Variants in ARMC2 observed in about 807,000 individuals in gnomAD.
The protein encoded by ARMC2 is armadillo repeat containing 2.
ARMC2 carries 67 observed loss-of-function variants against 90.3 expected under a neutral mutation model. The observed-to-expected ratio is 0.74, with a 90% CI of 0.61 to 0.91. The LOEUF (loss-of-function observed/expected upper bound fraction) is 0.91, where lower values mean the gene tolerates loss of function less well. Ranked by LOEUF, ARMC2 falls within the 40% of genes least tolerant of loss-of-function variation. The pLI, the probability that ARMC2 is intolerant of heterozygous loss-of-function variation, is 0.00. For missense variants in ARMC2, 920 were observed against 1,030.9 expected (o/e 0.89, Z 1.47); for synonymous variants, 393 against 393.0 (o/e 1.00, Z 0.00).
intron 3 of ARMC2, among the ~76,000 whole-genome samples, chr6:108,859,490 G>C (rs751353448): frequency 6.6e-5 from 10 of 152,092 alleles, no homozygotes; most frequent in Non-Finnish European, 1.2e-4. Flanking sequence ...CTGGAAGTTT[G>C]TAGGATGTTT....
In ARMC2 at chr6:108,868,893, G is replaced by C. The variant is rs1776102059; in HGVS notation, c.361G>C (p.Asp121His). 1 of 1,613,842 alleles carries C rather than the reference G, an allele frequency of 6.2e-7. No individual in the cohort carries two copies. Among genetic ancestry groups the C allele is most frequent in the African/African-American group, 1.3e-5 (1 of 74,910 alleles). The stretch of plus-strand genomic sequence containing the variant: ...CTTTTCCTTTCCTAAGCCCCCAGTG[G>C]ACCCTGCGAAGATTAGAAGAGTAAG... ...SCFSFPKPPV[D>H]PAKIRRVSNA... The change falls in exon 4 of 18, where the codon GAC becomes CAC. Residue 121 changes from aspartate (D) to histidine (H), a missense_variant. Physicochemically the swap from Asp to His is moderately conservative, Grantham distance 81. Transcript: ENST00000392644.
chr6:109,021,875 C>T, the ARMC2 span, among the ~76,000 whole-genome samples: 1 of 152,230 alleles, frequency 6.6e-6, no homozygotes, highest in East Asian at 1.9e-4. Flanking sequence ...CTTTTAAACC[C>T]TAATAATTCA....
At chr6:108,939,468 A>G (rs1776263597) in intron 12 of ARMC2, among the ~76,000 whole-genome samples, 1 of 150,756 alleles carries the variant, frequency 6.6e-6, no homozygotes, top group African/African-American at 2.4e-5. Flanking sequence ...AGTGTGTAGC[A>G]CCTCCCCCTG....
At position 108,868,946 on chromosome 6, in the gene ARMC2, T is replaced by C. The variant is rs1431139468; in HGVS notation, c.414T>C (p.Ala138=). 1.2e-6 allele frequency: 2 copies of C among 1,613,936 alleles called. No individual in the cohort carries two copies. Among genetic ancestry groups the C allele is most frequent in the East Asian group, 2.2e-5 (1 of 44,876 alleles). Residue 138 remains alanine (A), a synonymous_variant, in exon 4 of 18, where the codon GCT becomes GCC. Transcript: ENST00000392644. The part of the protein sequence containing the change: ...VSNARARLFR[A]ASQRALLPDR... Reference sequence around the variant, plus strand: ...ACGCCAGGGCTCGCTTATTCAGGGCTGCCTCCCAGCGGGCCCTTCTGCCGG... The same window carrying C: ...ACGCCAGGGCTCGCTTATTCAGGGCCGCCTCCCAGCGGGCCCTTCTGCCGG...
intron 5 of ARMC2, among the ~76,000 whole-genome samples, chr6:108,887,538 C>T (rs901692930): frequency 2.6e-5 from 4 of 152,168 alleles, no homozygotes; most frequent in South Asian, 2.1e-4. Flanking sequence ...CTGAGAGAAT[C>T]GCAGAAAGAT....
Position 108,928,243 on chromosome 6 carries a change from C to G in ARMC2, c.1496+10C>G. Reference sequence around the variant, plus strand: ...TTGCCAGAATATTCAGGTAGGTAGACTAAGACGTGAAGTAGCCTTACAAAA... The same window carrying G: ...TTGCCAGAATATTCAGGTAGGTAGAGTAAGACGTGAAGTAGCCTTACAAAA... On this transcript the variant is annotated intron_variant, in intron 11 of 17. Transcript: ENST00000392644. 6.8e-7 allele frequency: 1 copy of G among 1,476,560 alleles called. No homozygotes were observed. 91.5% of individuals were successfully genotyped at this position (1,476,560 alleles called of 1,614,324 possible). A position where few individuals can be genotyped will look rare whatever the true frequency, so the allele number is the denominator to read the frequency against.
At chr6:109,017,379 G>C in the ARMC2 span, among the ~76,000 whole-genome samples, 32 of 152,154 alleles carry the variant, frequency 2.1e-4, no homozygotes, top group African/African-American at 7.5e-4. Context: ...TCCACTGCCC[G>C]GGTTCACACC....
the ARMC2 span, among the ~76,000 whole-genome samples, chr6:109,043,383 A>C: frequency 3.2e-4 from 48 of 152,270 alleles, no homozygotes; most frequent in South Asian, 8.5e-3. Context: ...TACAGATAAA[A>C]AACAACAACA....
chr6:109,022,411 CTTTTTTTTTTTTT>C, the ARMC2 span, among the ~76,000 whole-genome samples: 1 of 65,870 alleles, frequency 1.5e-5, no homozygotes, highest in Non-Finnish European at 2.7e-5. Context: ...TGTTCTAAAG[CTTTTTTTTTTTTT>C]TTTTTTTTTT....
At chr6:108,887,955 A>G (rs888838592) in intron 5 of ARMC2, among the ~76,000 whole-genome samples, 3 of 152,162 alleles carry the variant, frequency 2.0e-5, no homozygotes, top group South Asian at 4.1e-4. Flanking sequence ...GGATGGGAAA[A>G]TCTGCCTTAG....
rs2295736 is a variant in ARMC2 at position 108,962,227 on chromosome 6, G to A, written c.2152+100G>A. On this transcript the variant is annotated intron_variant, in intron 15 of 17. Transcript: ENST00000392644. ...TCATTACAGTGTTATACTTGTTTCC[G>A]TTTTGAGATTTGTAAAGCTTCGTGT... 784 of 988,454 alleles carry A rather than the reference G, an allele frequency of 7.9e-4. 9 individuals carry two copies. The East Asian group carries it at 0.02, about 25-fold the overall frequency. The allele number at this position is 988,454 out of a possible 1,614,324, so 61.2% of individuals were successfully genotyped here.
At position 108,871,695 on chromosome 6, in the gene ARMC2, C is replaced by T; in HGVS notation, c.463+2700C>T. Among the ~76,000 whole-genome samples the T allele has an allele frequency of 2.0e-5, 3 of 152,236 alleles. No individual in the cohort carries two copies. The South Asian group carries it at 6.2e-4, about 32-fold the overall frequency. Reference sequence around the variant, plus strand: ...GAGATGAATGCTTTGCCCACCATCCCCCTCCTCAGTGCTTCCCCAGTGGCT... The same window carrying T: ...GAGATGAATGCTTTGCCCACCATCCTCCTCCTCAGTGCTTCCCCAGTGGCT... On this transcript the variant is annotated intron_variant, in intron 4 of 17. Coordinates refer to ENST00000392644, the MANE Select transcript of ARMC2 (RefSeq NM_032131.6).
chr6:109,005,931 G>T, the ARMC2 span, among the ~76,000 whole-genome samples: 2 of 152,196 alleles, frequency 1.3e-5, no homozygotes, highest in African/African-American at 4.8e-5. Flanking sequence ...GAGGAAGAGA[G>T]GGTAAAGTGG....
the ARMC2 span, chr6:108,994,331 G>T: frequency 1.6e-6 from 1 of 618,774 alleles, no homozygotes; most frequent in East Asian, 3.2e-5. Context: ...TTTGTAAATA[G>T]GAATACCTAT....
intron 12 of ARMC2, among the ~76,000 whole-genome samples, chr6:108,951,747 C>G (rs4946941): frequency 0.4 from 61,615 of 152,220 alleles, 15,190 homozygotes; most frequent in East Asian, 0.59. Flanking sequence ...ATGCGCTCCT[C>G]GATGAAAACG....
rs202206680 is a variant in ARMC2, at chr6:108,953,369, C to G, written c.1915+18C>G. 9.4e-5 allele frequency: 148 copies of G among 1,578,532 alleles called. 1 individual carries two copies. The Admixed American group carries it at 2.5e-3, about 27-fold the overall frequency. ...CACGCTGGGTGAGAACCGCAGCCCA[C>G]TGGCTGCAGCAGACACAACCAACTT... On this transcript the variant is annotated intron_variant, in intron 13 of 17. Transcript: ENST00000392644.
chr6:108,922,532 T>TA (rs1271787540), intron 10 of ARMC2, among the ~76,000 whole-genome samples: 1 of 152,250 alleles, frequency 6.6e-6, no homozygotes, highest in Admixed American at 6.5e-5. Flanking sequence ...TAAGTACCTA[T>TA]AGTCAACTTG....
Position 108,885,164 on chromosome 6 carries a change from C to G in ARMC2, c.671+8814C>G, listed in dbSNP as rs17069960. 2.9e-3 allele frequency among the ~76,000 whole-genome samples: 436 copies of G among 151,800 alleles called. 1 individual carries two copies. The highest frequency in any genetic ancestry group is 0.01 in the African/African-American group (419 of 41,364). ...ATAGCTACAAAGCAATATATCTAAT[C>G]GTGTATATATATATAGAACTTTAAT... On this transcript the variant is annotated intron_variant, in intron 5 of 17. Coordinates refer to ENST00000392644, the MANE Select transcript of ARMC2 (RefSeq NM_032131.6).
intron 10 of ARMC2, among the ~76,000 whole-genome samples, chr6:108,926,158 G>A (rs879581471): frequency 2.6e-5 from 4 of 152,172 alleles, no homozygotes; most frequent in South Asian, 2.1e-4. Context: ...ATGCCTTGGG[G>A]ACCAGGGAAA....
Sources: gnomAD v4.1 joint callset for allele counts (sites outside exome capture counted in the v4.1 genomes callset) on GRCh38, gnomAD v4.1.1 for gene constraint, MANE v1.5 for transcripts, NCBI Gene and HGNC (gene_info 2026-07-23, HGNC 2026-07-21) for gene names.